The following WDR4 variants were observed in gnomAD, a reference collection of about 807,000 sequenced individuals.
WDR4 encodes tRNA (guanine-N(7)-)-methyltransferase non-catalytic subunit WDR4.
A neutral mutation model predicts 48.6 loss-of-function variants in WDR4; 47 were observed. That is an observed-to-expected ratio of 0.97 (90% confidence interval 0.77 to 1.23). WDR4 has a LOEUF of 1.23. Among genes scored for constraint, WDR4 ranks in the 50% most tolerant of loss-of-function variants. WDR4 has a pLI of 0.00. For missense variants in WDR4, 606 were observed against 551.6 expected (o/e 1.10, Z -0.99); for synonymous variants, 268 against 230.0 (o/e 1.17, Z -1.49).
chr21:42,879,620 A>G (rs929319937), upstream of WDR4: 1 of 1,216,482 alleles, frequency 8.2e-7, no homozygotes, highest in Admixed American at 2.3e-5. Flanking sequence ...CGCATGCTCA[A>G]GGACGAGCCT....
At chr21:42,857,621 T>C (rs1388070577) in intron 6 of WDR4, among the ~76,000 whole-genome samples, 1 of 152,092 alleles carries the variant, frequency 6.6e-6, no homozygotes, top group Non-Finnish European at 1.5e-5. Context: ...ACGTGCACTA[T>C]CCGAGAATGG....
upstream of WDR4, among the ~76,000 whole-genome samples, chr21:42,881,029 C>A (rs1254696683): frequency 6.6e-6 from 1 of 151,962 alleles, no homozygotes; most frequent in Non-Finnish European, 1.5e-5. Flanking sequence ...CCTCAGCCTC[C>A]TGAGTAGCTG....
At chr21:42,892,501 G>A in the WDR4 span, among the ~76,000 whole-genome samples, 1 of 150,272 alleles carries the variant, frequency 6.7e-6, no homozygotes, top group South Asian at 2.1e-4. Flanking sequence ...GCTGTGTCAG[G>A]AATCCCTACA....
intron 3 of WDR4, among the ~76,000 whole-genome samples, chr21:42,867,070 G>A (rs1031168695): frequency 5.9e-5 from 9 of 152,104 alleles, no homozygotes; most frequent in Admixed American, 5.2e-4. Flanking sequence ...TTTCCTACAC[G>A]AAGTTATACT....
Position 42,862,253 on chromosome 21 carries a change from C to G in WDR4, c.566+29G>C. 6.4e-7 allele frequency: 1 copy of G among 1,567,798 alleles called. No individual in the cohort carries two copies. Among genetic ancestry groups the G allele is most frequent in the Admixed American group, 1.8e-5 (1 of 55,348 alleles). On this transcript the variant is annotated intron_variant, in intron 5 of 10. Transcript: ENST00000398208. This position sits in a 1 kb window ranked among gnomAD's most constrained non-coding sequence, Gnocchi z 4.3. ...CGCTGTTTTCAAACAGACCTTCTTT[C>G]TGCTGGAGGGGCAGGAAGGGGCACT...
chr21:42,851,300 T>TG (rs1438308182), intron 10 of WDR4, among the ~76,000 whole-genome samples: 2 of 152,134 alleles, frequency 1.3e-5, no homozygotes, highest in African/African-American at 2.4e-5. Flanking sequence ...CCAACCACGC[T>TG]GGGGGGCCCA....
At chr21:42,867,113 G>A (rs146567433) in intron 3 of WDR4, among the ~76,000 whole-genome samples, 446 of 152,310 alleles carry the variant, frequency 2.9e-3, no homozygotes, top group African/African-American at 0.01. Flanking sequence ...AGAGCAGGCC[G>A]GGCGCAGTGG....
At position 42,853,616 on chromosome 21, in the gene WDR4, G is replaced by A. The variant is rs1189591341; in HGVS notation, c.928C>T (p.Gln310Ter). 4.3e-6 allele frequency: 7 copies of A among 1,609,352 alleles called. No homozygotes were observed. Among genetic ancestry groups the A allele is most frequent in the South Asian group, 1.1e-5 (1 of 89,754 alleles). Residue 310 changes from glutamine (Q) to a stop codon, truncating the protein, a stop_gained, in exon 9 of 11, where the codon CAG becomes TAG. Transcript: ENST00000398208. LOFTEE classifies it high-confidence loss of function. ...TQGLWVLQDCQEAPLVLYRPV... is the reference protein window; with the variant it reads ...TQGLWVLQDC ...CTGTAGAGCACCAGGGGGGCTTCCT[G>A]GCAGTCCTGGAGCACCCACAGCCCC...
At chr21:42,856,578 T>C (rs2057997974) in intron 6 of WDR4, among the ~76,000 whole-genome samples, 2 of 152,030 alleles carry the variant, frequency 1.3e-5, no homozygotes, top group Non-Finnish European at 2.9e-5. Context: ...TTAAAAAAAA[T>C]TCATTACAGC....
rs1341995358 is a variant in WDR4 at position 42,862,241 on chromosome 21, C to G, written c.566+41G>C. 7 of 1,541,214 alleles carry G rather than the reference C, an allele frequency of 4.5e-6. No homozygotes were observed. In the Admixed American group the frequency reaches 7.5e-5, roughly 17 times the overall value. ...GCCGCAAGCTGACGCTGTTTTCAAA[C>G]AGACCTTCTTTCTGCTGGAGGGGCA... is the stretch of plus-strand genomic sequence containing the variant. On this transcript the variant is annotated intron_variant, in intron 5 of 10. Transcript: ENST00000398208. The surrounding 1 kb of genome is among the most constrained non-coding windows in gnomAD (Gnocchi z 4.3).
At position 42,876,688 on chromosome 21, in the gene WDR4, T is replaced by C. The variant is rs2058499700; in HGVS notation, c.155+14A>G. Reference sequence around the variant, plus strand: ...CATTAAAGCAGGCCCTGAAAAAGCTTCCCCACATCTCACCCTTTATTTTCT... The same window carrying C: ...CATTAAAGCAGGCCCTGAAAAAGCTCCCCCACATCTCACCCTTTATTTTCT... On this transcript the variant is annotated intron_variant, in intron 2 of 10. Coordinates refer to ENST00000398208, the MANE Select transcript of WDR4 (RefSeq NM_018669.6). 1 of 1,611,850 alleles carries C rather than the reference T, an allele frequency of 6.2e-7. No individual in the cohort carries two copies.
At chr21:42,857,311 C>CT (rs1363661018) in intron 6 of WDR4, among the ~76,000 whole-genome samples, 3 of 152,174 alleles carry the variant, frequency 2.0e-5, no homozygotes, top group African/African-American at 7.2e-5. Context: ...GGCCGGGACA[C>CT]TGACCACCCA....
chr21:42,869,247 T>A (rs967785638), intron 3 of WDR4, among the ~76,000 whole-genome samples: 5 of 152,180 alleles, frequency 3.3e-5, no homozygotes, highest in Non-Finnish European at 5.9e-5. Context: ...AAAGGTAGCA[T>A]GAGAGGACAC....
rs947257364 is a variant in WDR4 at position 42,853,669 on chromosome 21, A to G, written c.875T>C (p.Val292Ala). ...YRQQLAFQHQ[V>A]WDVAFEETQG... Reference sequence around the variant, plus strand: ...GGTCTCCTCGAAAGCCACGTCCCACACTTGGTGCTGGAACGCCAGCTGCTG... The same window carrying G: ...GGTCTCCTCGAAAGCCACGTCCCACGCTTGGTGCTGGAACGCCAGCTGCTG... Residue 292 changes from valine (V) to alanine (A), a missense_variant, in exon 9 of 11, where the codon GTG becomes GCG. Physicochemically the swap from Val to Ala is moderately conservative, Grantham distance 64 (BLOSUM62 0). Transcript: ENST00000398208. The G allele has an allele frequency of 4.4e-6, 7 of 1,592,854 alleles. No individual in the cohort carries two copies. Among genetic ancestry groups the G allele is most frequent in the Non-Finnish European group, 3.4e-6 (4 of 1,170,922 alleles).
At chr21:42,867,116 C>A (rs1013805071) in intron 3 of WDR4, among the ~76,000 whole-genome samples, 1 of 152,220 alleles carries the variant, frequency 6.6e-6, no homozygotes, top group Non-Finnish European at 1.5e-5. Flanking sequence ...GCAGGCCGGG[C>A]GCAGTGGCTC....
intron 10 of WDR4, among the ~76,000 whole-genome samples, chr21:42,851,692 C>G (rs1439986649): frequency 6.6e-6 from 1 of 152,222 alleles, no homozygotes. Flanking sequence ...CAGCTCCTCC[C>G]TCAGCCTGGC....
chr21:42,880,123 T>A (rs985347823), upstream of WDR4, among the ~76,000 whole-genome samples: 1 of 146,958 alleles, frequency 6.8e-6, no homozygotes, highest in Admixed American at 6.8e-5. Flanking sequence ...AGAGCGAGAC[T>A]CTCTCTCAAA....
intron 10 of WDR4, among the ~76,000 whole-genome samples, chr21:42,851,838 C>T (rs2057838119): frequency 6.6e-6 from 1 of 152,162 alleles, no homozygotes; most frequent in African/African-American, 2.4e-5. Flanking sequence ...CTGGCTAGAC[C>T]CCCACTAAAC....
Position 42,862,317 on chromosome 21 carries a change from G to C in WDR4, c.531C>G (p.Pro177=), listed in dbSNP as rs746202416. ...CCAAGCAGAAGGACTCGATGCTATGGGGCGCCGCGGCCCAGCTGACTCGGA... is the reference window on the plus strand; with the variant it reads ...CCAAGCAGAAGGACTCGATGCTATGCGGCGCCGCGGCCCAGCTGACTCGGA... ...EKIRVSWAAA[P]HSIESFCLGH... Residue 177 remains proline, a synonymous_variant, in exon 5 of 11, where the codon CCC becomes CCG. Transcript: ENST00000398208. The surrounding 1 kb of genome is among the most constrained non-coding windows in gnomAD (Gnocchi z 4.3). The C allele has an allele frequency of 2.5e-6, 4 of 1,611,258 alleles. No individual in the cohort carries two copies. The highest frequency in any genetic ancestry group is 3.4e-6 in the Non-Finnish European group (4 of 1,179,180).
Sources: gnomAD v4.1 joint callset for allele counts (sites outside exome capture counted in the v4.1 genomes callset) on GRCh38, gnomAD v4.1.1 for gene constraint, Gnocchi (gnomAD v3.1) non-coding constraint, MANE v1.5 for transcripts, NCBI Gene and HGNC (gene_info 2026-07-23, HGNC 2026-07-21) for gene names.